Variants in TBC1D5 observed in about 807,000 individuals in gnomAD.
TBC1D5 encodes TBC1 domain family member 5.
Under a neutral mutation model 100.3 loss-of-function variants are expected in TBC1D5, and 75 were observed. That is an observed-to-expected ratio of 0.75 (90% confidence interval 0.62 to 0.91). TBC1D5 has a LOEUF of 0.91. Among genes scored for constraint, TBC1D5 ranks in the 40% least tolerant of loss-of-function variants. The probability of loss-of-function intolerance (pLI) is 0.00; values close to 1 mark genes in which losing one functional copy is unlikely to be tolerated. For synonymous variants in TBC1D5, 323 were observed against 325.6 expected (o/e 0.99, Z 0.09); for missense variants, 910 against 942.4 (o/e 0.97, Z 0.45).
intron 17 of TBC1D5, among the ~76,000 whole-genome samples, 160 bp downstream of exon 18, chr3:17,233,525 T>C (rs1273866185): frequency 6.6e-6 from 1 of 152,176 alleles, no homozygotes; most frequent in African/African-American, 2.4e-5. Flanking sequence ...GAGGGGACTT[T>C]TGTTCTTAAC....
intron 13 of TBC1D5, among the ~76,000 whole-genome samples, chr3:17,350,670 T>C (rs2090465615): frequency 6.6e-6 from 1 of 152,220 alleles, no homozygotes; most frequent in African/African-American, 2.4e-5. Flanking sequence ...AACAAGTTTA[T>C]GCTACTTAAA....
chr3:17,445,213 T>C (rs1015532306), intron 3 of TBC1D5, among the ~76,000 whole-genome samples: 2 of 152,152 alleles, frequency 1.3e-5, no homozygotes, highest in Non-Finnish European at 2.9e-5. Flanking sequence ...AGCTTTCTTT[T>C]CCATGGATTA....
chr3:17,260,821 TTTTA>T (rs1271594799), intron 15 of TBC1D5, among the ~76,000 whole-genome samples: 3 of 152,218 alleles, frequency 2.0e-5, no homozygotes, highest in Non-Finnish European at 2.9e-5. Flanking sequence ...AAATGTGATA[TTTTA>T]TTTAATTCAG....
Position 17,598,268 on chromosome 3 carries a change from A to G in TBC1D5, c.-36+25581T>C, listed in dbSNP as rs192849719. Among the ~76,000 whole-genome samples the G allele has an allele frequency of 2.7e-4, 41 of 152,340 alleles. No individual in the cohort carries two copies. The East Asian group carries it at 3.7e-3, about 14-fold the overall frequency. ...TAGGCATAAGGCATGGGAGTTTTCA[A>G]AACTGACTTCTTCACAACACAATAA... On this transcript the variant is annotated intron_variant, in intron 2 of 21. Coordinates refer to ENST00000253692, the Ensembl canonical transcript of TBC1D5.
intron 13 of TBC1D5, among the ~76,000 whole-genome samples, chr3:17,322,889 A>G (rs987282047): frequency 1.3e-5 from 2 of 152,190 alleles, no homozygotes; most frequent in African/African-American, 4.8e-5. Flanking sequence ...AGGTTAGTAT[A>G]CCCATGAAAA....
rs1344236281 is a variant in TBC1D5, at chr3:17,195,690, A to G, written c.1753-10482T>C. 2.6e-5 allele frequency among the ~76,000 whole-genome samples: 4 copies of G among 152,208 alleles called. 1 individual carries two copies. The South Asian group carries it at 6.2e-4, about 24-fold the overall frequency. On this transcript the variant is annotated intron_variant, in intron 18 of 21. Coordinates refer to ENST00000253692, the Ensembl canonical transcript of TBC1D5. ...CAAGCTGAGGATCAAGTACAGTTTAAGAACTACTTTAAGTAACAACTGGTA... is the reference window on the plus strand; with the variant it reads ...CAAGCTGAGGATCAAGTACAGTTTAGGAACTACTTTAAGTAACAACTGGTA...
rs1043168408 is a variant in TBC1D5, at chr3:17,185,022, C to A, written c.1852+87G>T. ...TAAATAAGGTAATTCATGTAAACAGCTTAGCACAAGGCCTAGAACAAAGTA... is the reference window on the plus strand; with the variant it reads ...TAAATAAGGTAATTCATGTAAACAGATTAGCACAAGGCCTAGAACAAAGTA... On this transcript the variant is annotated intron_variant, in intron 19 of 21. Transcript: ENST00000253692. The A allele has an allele frequency of 3.5e-5, 41 of 1,178,212 alleles. No homozygotes were observed. The East Asian group carries it at 9.8e-4, about 28-fold the overall frequency. 73.0% of individuals were successfully genotyped at this position (1,178,212 alleles called of 1,614,324 possible).
chr3:17,496,809 G>A lies in TBC1D5; in HGVS notation c.97+11665C>T, dbSNP rs563594684. Among the ~76,000 whole-genome samples, 46 of 152,240 alleles carry A rather than the reference G, an allele frequency of 3.0e-4. 1 individual carries two copies. The highest frequency in any genetic ancestry group is 2.6e-3 in the Admixed American group (40 of 15,298). ...AAATAGCTATCATTCCTATCCTTGA[G>A]AAGAAACTTGGGAGTTCAACAGAGA... On this transcript the variant is annotated intron_variant, in intron 3 of 21. Coordinates refer to ENST00000253692, the Ensembl canonical transcript of TBC1D5.
intron 2 of TBC1D5, among the ~76,000 whole-genome samples, chr3:17,579,455 A>G (rs1408749041): frequency 6.6e-6 from 1 of 152,084 alleles, no homozygotes; most frequent in Non-Finnish European, 1.5e-5. Context: ...GCCACAAGAG[A>G]CTACCAGAAC....
chr3:17,531,397 T>C (rs1272083633), intron 2 of TBC1D5, among the ~76,000 whole-genome samples: 2 of 152,100 alleles, frequency 1.3e-5, no homozygotes, highest in African/African-American at 2.4e-5. Context: ...ATCATGAAAA[T>C]GGCCATATTG....
chr3:17,695,512 T>A (rs1468999703), intron 1 of TBC1D5, among the ~76,000 whole-genome samples: 1 of 152,198 alleles, frequency 6.6e-6, no homozygotes. Flanking sequence ...GGCCATTACA[T>A]AATGGTAAAG....
intron 3 of TBC1D5, among the ~76,000 whole-genome samples, chr3:17,480,408 C>T (rs1034853670): frequency 6.6e-6 from 1 of 152,170 alleles, no homozygotes; most frequent in East Asian, 1.9e-4. Context: ...AAGCCCCTGC[C>T]AGGAGTGACA....
At chr3:17,461,152 T>C (rs1163589116) in intron 3 of TBC1D5, among the ~76,000 whole-genome samples, 1 of 152,204 alleles carries the variant, frequency 6.6e-6, no homozygotes, top group African/African-American at 2.4e-5. Context: ...CAAGTCAGTA[T>C]AATTAGGTAG....
At chr3:17,203,039 T>C (rs1407922324) in intron 18 of TBC1D5, among the ~76,000 whole-genome samples, 1 of 151,906 alleles carries the variant, frequency 6.6e-6, no homozygotes, top group Non-Finnish European at 1.5e-5. Flanking sequence ...CAGCTTGTAC[T>C]GTGTGCCTGG....
intron 13 of TBC1D5, among the ~76,000 whole-genome samples, chr3:17,317,732 C>T (rs1442166123): frequency 2.0e-5 from 3 of 152,022 alleles, no homozygotes; most frequent in African/African-American, 7.3e-5. Flanking sequence ...TGGCAAATAC[C>T]ATGCATTTAT....
chr3:17,566,461 C>A (rs2096594328), intron 2 of TBC1D5, among the ~76,000 whole-genome samples: 1 of 151,858 alleles, frequency 6.6e-6, no homozygotes, highest in Admixed American at 6.6e-5. Flanking sequence ...AATCAGGGAT[C>A]CCCGTCTGGA....
intron 13 of TBC1D5, among the ~76,000 whole-genome samples, chr3:17,357,982 C>A (rs1242631483): frequency 6.6e-6 from 1 of 152,046 alleles, no homozygotes; most frequent in Non-Finnish European, 1.5e-5. Context: ...ATATACCAAG[C>A]AACAACAGGA....
intron 10 of TBC1D5, among the ~76,000 whole-genome samples, chr3:17,375,971 G>C: frequency 6.6e-6 from 1 of 152,104 alleles, no homozygotes; most frequent in East Asian, 1.9e-4. Context: ...GGTATCTTAA[G>C]TTAGAAAAAT....
At chr3:17,211,676 G>T (rs772563416) in intron 18 of TBC1D5, among the ~76,000 whole-genome samples, 1 of 152,100 alleles carries the variant, frequency 6.6e-6, no homozygotes, top group Non-Finnish European at 1.5e-5. Context: ...GCTTTCTTAG[G>T]CTGCTTAGTT....
Sources: gnomAD v4.1 joint callset for allele counts (sites outside exome capture counted in the v4.1 genomes callset) on GRCh38, gnomAD v4.1.1 for gene constraint, MANE v1.5 for transcripts, NCBI Gene and HGNC (gene_info 2026-07-23, HGNC 2026-07-21) for gene names.